Variants in UGT2A2 observed in about 807,000 individuals in gnomAD.
UGT2A2 encodes the protein UDP-glucuronosyltransferase 2A2.
In UGT2A2, 60 loss-of-function variants were observed where a neutral mutation model predicts 50.7. The observed-to-expected ratio is 1.18, with a 90% CI of 0.96 to 1.47. The LOEUF (loss-of-function observed/expected upper bound fraction) is 1.47. Ranked by LOEUF, UGT2A2 falls within the 40% of genes most tolerant of loss-of-function variation. UGT2A2 has a pLI of 0.00. For synonymous variants in UGT2A2, 242 were observed against 214.6 expected, an observed-to-expected ratio of 1.13 and a Z score of -1.11; for missense variants, 762 against 634.0, an observed-to-expected ratio of 1.20 and a Z score of -2.17.
At chr4:69,609,545 G>T (rs554823700) in intron 1 of UGT2A2, among the ~76,000 whole-genome samples, 9 of 152,082 alleles carry the variant, frequency 5.9e-5, no homozygotes, top group Non-Finnish European at 1.2e-4. Context: ...CAATACAACT[G>T]TTAATAAAAG....
chr4:69,620,486 A>C (rs1369004371), intron 1 of UGT2A2, among the ~76,000 whole-genome samples: 1 of 152,054 alleles, frequency 6.6e-6, no homozygotes, highest in Non-Finnish European at 1.5e-5. Flanking sequence ...GAGATGACAC[A>C]AACAAATGAA....
rs144056072 is a variant in UGT2A2, at chr4:69,589,493, G to T, written c.1490C>A (p.Ser497Tyr). 4.3e-4 allele frequency: 687 copies of T among 1,614,012 alleles called. 2 individuals are homozygous for T. The highest frequency in any genetic ancestry group is 1.1e-3 in the Admixed American group (67 of 59,978). The change falls in exon 6 of 6, where the codon TCT becomes TAT. Residue 497 changes from serine to tyrosine, a missense_variant. Coordinates refer to ENST00000604629, the MANE Select transcript of UGT2A2 (RefSeq NM_001105677.2). ...AHDLTWFQYH[S>Y]LDVIGFLLVC... ...CAGCAAGAACCCAATTACATCCAAA[G>T]AGTGGTACTGGAACCAGGTGAGGTC...
At chr4:69,611,801 C>T (rs912846704) in intron 1 of UGT2A2, among the ~76,000 whole-genome samples, 1 of 152,002 alleles carries the variant, frequency 6.6e-6, no homozygotes, top group African/African-American at 2.4e-5. Context: ...ATGGTTCATT[C>T]TGAAGATACA....
intron 5 of UGT2A2, among the ~76,000 whole-genome samples, chr4:69,593,633 G>A (rs1028576837): frequency 4.0e-5 from 6 of 151,180 alleles, no homozygotes; most frequent in African/African-American, 1.2e-4. Flanking sequence ...TCTAAAAGCT[G>A]AATCAGATAA....
In UGT2A2 at chr4:69,589,109, T is replaced by A; in HGVS notation, c.*263A>T. 3.2e-6 allele frequency: 1 copy of A among 308,660 alleles called. No homozygotes were observed. The highest frequency in any genetic ancestry group is 5.9e-6 in the Non-Finnish European group (1 of 170,016). 19.1% of individuals were successfully genotyped at this position (308,660 alleles called of 1,614,324 possible). Reference sequence around the variant, plus strand: ...CATATTTAAAATTAGGTAGTATCCTTGTGTCAGAAAAGTGACAGGAAGAGG... The same window carrying A: ...CATATTTAAAATTAGGTAGTATCCTAGTGTCAGAAAAGTGACAGGAAGAGG... On this transcript the variant is annotated 3_prime_UTR_variant, in exon 6 of 6. Transcript: ENST00000604629.
At chr4:69,623,491 A>G (rs1321175851) in intron 1 of UGT2A2, among the ~76,000 whole-genome samples, 3 of 151,794 alleles carry the variant, frequency 2.0e-5, no homozygotes, top group Non-Finnish European at 4.4e-5. Flanking sequence ...CTGTGCATAC[A>G]TGTAAAAAAA....
chr4:69,589,778 G>A, intron 5 of UGT2A2, 127 bp from the exon 6 acceptor site: 1 of 1,345,088 alleles, frequency 7.4e-7, no homozygotes, highest in Admixed American at 2.7e-5. Flanking sequence ...TATAATTCTT[G>A]CATGAACTTT....
At position 69,603,340 on chromosome 4, in the gene UGT2A2, C is replaced by T. The variant is rs1719408010; in HGVS notation, c.743-3946G>A. On this transcript the variant is annotated intron_variant, in intron 1 of 5. Coordinates refer to ENST00000604629, the MANE Select transcript of UGT2A2 (RefSeq NM_001105677.2). ...CTTATGTAATGAAATTCATGAATGACAAAGATGCAGGCATGCAGGAAAAAA... is the reference window on the plus strand; with the variant it reads ...CTTATGTAATGAAATTCATGAATGATAAAGATGCAGGCATGCAGGAAAAAA... Among the ~76,000 whole-genome samples the T allele has an allele frequency of 3.7e-5, 5 of 136,224 alleles. 2 individuals carry two copies. In the South Asian group the frequency reaches 1.2e-3, roughly 33 times the overall value. The allele number at this position is 136,224 out of a possible 152,430, so 89.4% of individuals were successfully genotyped here.
intron 5 of UGT2A2, 66 bp downstream of exon 5, chr4:69,594,411 A>G (rs1718783400): frequency 1.3e-6 from 2 of 1,564,356 alleles, no homozygotes; most frequent in African/African-American, 1.4e-5. Flanking sequence ...AAAAGAATGT[A>G]CATTTTCTGG....
intron 1 of UGT2A2, among the ~76,000 whole-genome samples, chr4:69,636,281 A>G (rs962522489): frequency 6.6e-6 from 1 of 152,192 alleles, no homozygotes; most frequent in African/African-American, 2.4e-5. Context: ...ATAATTACGT[A>G]AAATTGTGTA....
At chr4:69,630,766 G>A (rs183321634) in intron 1 of UGT2A2, among the ~76,000 whole-genome samples, 2 of 152,136 alleles carry the variant, frequency 1.3e-5, no homozygotes, top group African/African-American at 4.8e-5. Context: ...AGACCCTAAA[G>A]GTGAAACCGT....
chr4:69,597,715 AAC>A (rs71671445), intron 2 of UGT2A2, among the ~76,000 whole-genome samples: 43 of 150,150 alleles, frequency 2.9e-4, no homozygotes, highest in African/African-American at 4.4e-4. Flanking sequence ...TCATTAAAAT[AAC>A]ACACACACAC....
intron 1 of UGT2A2, among the ~76,000 whole-genome samples, chr4:69,607,183 A>ACTGACCAAAACAGCATG (rs1390324533): frequency 7.4e-6 from 1 of 135,074 alleles, no homozygotes; most frequent in African/African-American, 2.9e-5. Context: ...GCAAGGCTAC[A>ACTGACCAAAACAGCATG]GTAACCAAAA....
At chr4:69,598,728 T>C (rs569104350) in intron 2 of UGT2A2, among the ~76,000 whole-genome samples, 51 of 152,222 alleles carry the variant, frequency 3.4e-4, no homozygotes, top group African/African-American at 1.2e-3. Context: ...TTTAACCAAT[T>C]GTTTCCTAAC....
intron 1 of UGT2A2, among the ~76,000 whole-genome samples, chr4:69,624,444 G>A (rs1364105925): frequency 6.6e-6 from 1 of 151,310 alleles, no homozygotes; most frequent in African/African-American, 2.4e-5. Context: ...TGAGGGTTGT[G>A]AGAACTTTAC....
rs1472565426 is a variant in UGT2A2 at position 69,602,285 on chromosome 4, A to C, written c.743-2891T>G. On this transcript the variant is annotated intron_variant, in intron 1 of 5. Transcript: ENST00000604629. ...TAGAAAAGAATTTCTTTACACCAAC[A>C]AAGGCACTCCAAACAAAAAAGTTTC... is the stretch of plus-strand genomic sequence containing the variant. 5.8e-5 allele frequency among the ~76,000 whole-genome samples: 8 copies of C among 137,250 alleles called. 2 individuals carry two copies. Among genetic ancestry groups the C allele is most frequent in the African/African-American group, 1.5e-4 (5 of 34,106 alleles). 90.0% of individuals were successfully genotyped at this position (137,250 alleles called of 152,430 possible). A position where few individuals can be genotyped will look rare whatever the true frequency, so the allele number is the denominator to read the frequency against.
intron 2 of UGT2A2, 40 bp downstream of exon 2, chr4:69,599,206 A>G: frequency 6.4e-7 from 1 of 1,570,638 alleles, no homozygotes; most frequent in Non-Finnish European, 8.6e-7. Flanking sequence ...TAAGTATTTT[A>G]TTATGAAGAG....
At chr4:69,638,402 T>C (rs116664976) in intron 1 of UGT2A2, among the ~76,000 whole-genome samples, 2,343 of 152,194 alleles carry the variant, frequency 0.015, 65 homozygotes, top group African/African-American at 0.054. Context: ...AGAGATGGTG[T>C]CCAACTACCC....
At chr4:69,616,562 C>G (rs565663418) in intron 1 of UGT2A2, among the ~76,000 whole-genome samples, 10 of 151,932 alleles carry the variant, frequency 6.6e-5, no homozygotes, top group Non-Finnish European at 2.9e-5. Context: ...ATGTACCCCA[C>G]CAACAAAAAG....
Sources: gnomAD v4.1 joint callset for allele counts (sites outside exome capture counted in the v4.1 genomes callset) on GRCh38, gnomAD v4.1.1 for gene constraint, MANE v1.5 for transcripts, NCBI Gene and HGNC (gene_info 2026-07-23, HGNC 2026-07-21) for gene names.